Variants in WDR70 observed in about 807,000 individuals in gnomAD.
WDR70 encodes WD repeat domain 70.
Under a neutral mutation model 88.6 loss-of-function variants are expected in WDR70, and 53 were observed. The observed-to-expected ratio is 0.60, with a 90% CI of 0.48 to 0.75. The LOEUF is 0.75. Among genes scored for constraint, WDR70 ranks in the 30% least tolerant of loss-of-function variants. The pLI, the probability that WDR70 is intolerant of heterozygous loss-of-function variation, is 0.00. For synonymous variants in WDR70, 280 were observed against 270.0 expected (o/e 1.04, Z -0.36); for missense variants, 610 against 823.2 (o/e 0.74, Z 3.17).
intron 7 of WDR70, among the ~76,000 whole-genome samples, chr5:37,479,299 G>C (rs1739581470): frequency 6.6e-6 from 1 of 151,700 alleles, no homozygotes; most frequent in Admixed American, 6.6e-5. Context: ...AGTTTTAATA[G>C]ATTGCAGTGG....
chr5:37,752,814 ACT>A lies in WDR70; in HGVS notation c.*242_*243del, dbSNP rs1748853444. The A allele has an allele frequency of 5.4e-6, 2 of 369,288 alleles. No individual in the cohort carries two copies. Among genetic ancestry groups the A allele is most frequent in the Non-Finnish European group, 9.6e-6 (2 of 208,586 alleles). 22.9% of individuals were successfully genotyped at this position (369,288 alleles called of 1,614,324 possible). Reference sequence around the variant, plus strand: ...ACAGATTCTTAGTCTATTACCAAGTACTTTAGGTATTTGGAAACTTTATTCAA... The same window carrying A: ...ACAGATTCTTAGTCTATTACCAAGTATTAGGTATTTGGAAACTTTATTCAA... On this transcript the variant is annotated 3_prime_UTR_variant, in exon 18 of 18. Transcript: ENST00000265107.
chr5:37,647,351 C>T (rs924511567), intron 10 of WDR70, among the ~76,000 whole-genome samples: 1 of 152,188 alleles, frequency 6.6e-6, no homozygotes, highest in Non-Finnish European at 1.5e-5. Flanking sequence ...ATATCTCTGT[C>T]TCCAGCATTG....
chr5:37,605,428 A>C (rs1226942408), intron 10 of WDR70, among the ~76,000 whole-genome samples, 190 bp downstream of exon 10: 3 of 152,094 alleles, frequency 2.0e-5, no homozygotes, highest in Non-Finnish European at 2.9e-5. Flanking sequence ...AGACATTTCA[A>C]CTCTGTATTT....
At chr5:37,517,473 T>G (rs1740923749) in intron 9 of WDR70, among the ~76,000 whole-genome samples, 1 of 151,968 alleles carries the variant, frequency 6.6e-6, no homozygotes. Flanking sequence ...GTTCAAATGA[T>G]TCTCCTACTT....
intron 3 of WDR70, among the ~76,000 whole-genome samples, chr5:37,389,481 G>T (rs976374319): frequency 6.6e-6 from 1 of 151,644 alleles, no homozygotes; most frequent in Non-Finnish European, 1.5e-5. Context: ...TGCCATCTCC[G>T]CTCAGTGCAA....
At chr5:37,740,979 G>C (rs1748455567) in intron 17 of WDR70, among the ~76,000 whole-genome samples, 1 of 152,178 alleles carries the variant, frequency 6.6e-6, no homozygotes, top group African/African-American at 2.4e-5. Flanking sequence ...ATAGCAATTT[G>C]ATGTATCTGT....
At chr5:37,677,005 T>G (rs1334882665) in intron 10 of WDR70, among the ~76,000 whole-genome samples, 1 of 152,238 alleles carries the variant, frequency 6.6e-6, no homozygotes, top group Non-Finnish European at 1.5e-5. Context: ...CTTCTAGATT[T>G]TCTAGTTTAT....
chr5:37,589,597 G>C (rs74900988), intron 9 of WDR70, among the ~76,000 whole-genome samples: 1 of 151,188 alleles, frequency 6.6e-6, no homozygotes, highest in African/African-American at 2.4e-5. Context: ...TTTTATTTTC[G>C]GAGGCAGGGT....
At chr5:37,531,229 G>A (rs893897570) in intron 9 of WDR70, among the ~76,000 whole-genome samples, 1 of 152,148 alleles carries the variant, frequency 6.6e-6, no homozygotes, top group African/African-American at 2.4e-5. Context: ...CTGTCTTGGA[G>A]AATGTTCCAT....
intron 9 of WDR70, among the ~76,000 whole-genome samples, chr5:37,580,793 T>C (rs1743195544): frequency 6.6e-6 from 1 of 152,218 alleles, no homozygotes; most frequent in Admixed American, 6.5e-5. Context: ...CAACACAAAT[T>C]ATTATCAGTT....
chr5:37,523,558 T>A (rs1741162805), intron 9 of WDR70, among the ~76,000 whole-genome samples: 1 of 152,222 alleles, frequency 6.6e-6, no homozygotes, highest in Non-Finnish European at 1.5e-5. Flanking sequence ...CTGAAAATTC[T>A]AAAAATCAGA....
Position 37,533,847 on chromosome 5 carries a change from T to A in WDR70, c.917+17257T>A, listed in dbSNP as rs1741574231. Among the ~76,000 whole-genome samples the A allele has an allele frequency of 2.0e-5, 3 of 152,258 alleles. No homozygotes were observed. In the South Asian group the frequency reaches 6.2e-4, roughly 32 times the overall value. ...TGCAGTCCCCAGTCCTAAAGGCCAG[T>A]CTCATTCCTGCCGTGCCCCCTCACC... is the stretch of plus-strand genomic sequence containing the variant. On this transcript the variant is annotated intron_variant, in intron 9 of 17. Transcript: ENST00000265107.
intron 10 of WDR70, among the ~76,000 whole-genome samples, chr5:37,621,532 A>G (rs1459369885): frequency 6.6e-6 from 1 of 152,158 alleles, no homozygotes; most frequent in East Asian, 1.9e-4. Context: ...TCATCTTTTG[A>G]GAAGTGTCTG....
chr5:37,694,874 T>C (rs1465839177), intron 10 of WDR70, among the ~76,000 whole-genome samples: 2 of 148,184 alleles, frequency 1.3e-5, no homozygotes, highest in African/African-American at 5.0e-5. Flanking sequence ...AAAGCAAGTT[T>C]AGTCATGCTA....
At chr5:37,391,918 A>G (rs972230532) in intron 3 of WDR70, 82 bp from the exon 4 acceptor site, 2 of 1,447,370 alleles carry the variant, frequency 1.4e-6, no homozygotes, top group African/African-American at 2.9e-5. Context: ...TGACTATGTT[A>G]ATTTTTAGCC....
chr5:37,445,300 G>A (rs1738425688), intron 7 of WDR70, among the ~76,000 whole-genome samples: 2 of 8,422 alleles, frequency 2.4e-4, no homozygotes, highest in African/African-American at 2.7e-4. Flanking sequence ...GAGATAGTTT[G>A]GTATATGTAA....
At chr5:37,392,260 T>C in intron 4 of WDR70, 140 bp downstream of exon 4, 1 of 977,348 alleles carries the variant, frequency 1.0e-6, no homozygotes, top group Non-Finnish European at 1.5e-6. Context: ...CTTGGCTGAC[T>C]GTAACCTCCA....
chr5:37,414,685 T>G (rs1433389265), intron 5 of WDR70, among the ~76,000 whole-genome samples: 1 of 152,070 alleles, frequency 6.6e-6, no homozygotes. Flanking sequence ...AAATATTAGT[T>G]GAATGAATGG....
chr5:37,470,103 C>T (rs1467367581), intron 7 of WDR70, among the ~76,000 whole-genome samples: 14 of 147,306 alleles, frequency 9.5e-5, no homozygotes, highest in Non-Finnish European at 1.6e-4. Context: ...GAAGGATGCC[C>T]ATGTAAGCAA....
Sources: gnomAD v4.1 joint callset for allele counts (sites outside exome capture counted in the v4.1 genomes callset) on GRCh38, gnomAD v4.1.1 for gene constraint, MANE v1.5 for transcripts, NCBI Gene and HGNC (gene_info 2026-07-23, HGNC 2026-07-21) for gene names.